The following ACSS3 variants were observed in gnomAD, a reference collection of about 807,000 sequenced individuals.
ACSS3 encodes acyl-CoA synthetase short-chain family member 3, mitochondrial.
Under a neutral mutation model 84.2 loss-of-function variants are expected in ACSS3, and 64 were observed. That is an observed-to-expected ratio of 0.76 (90% CI 0.62 to 0.94). The LOEUF is 0.94. Among genes scored for constraint, ACSS3 ranks in the 40% least tolerant of loss-of-function variants. The pLI is 0.00. For synonymous variants in ACSS3, 317 were observed against 310.1 expected, an observed-to-expected ratio of 1.02 and a Z score of -0.23; for missense variants, 815 against 867.6, an observed-to-expected ratio of 0.94 and a Z score of 0.76.
intron 2 of ACSS3, among the ~76,000 whole-genome samples, chr12:81,115,599 C>A (rs1270907290): frequency 6.6e-6 from 1 of 152,060 alleles, no homozygotes. Flanking sequence ...CCACACCTGA[C>A]CAAATGCTGA....
At position 81,244,592 on chromosome 12, in the gene ACSS3, G is replaced by T. The variant is rs547546842; in HGVS notation, c.1720-8715G>T. Among the ~76,000 whole-genome samples the T allele has an allele frequency of 2.6e-5, 4 of 151,924 alleles. No homozygotes were observed. The South Asian group carries it at 8.3e-4, about 32-fold the overall frequency. ...TTTTTTCTCTTTGATTTTTGGTTTT[G>T]GAGGTTTCTATTGATACATCCTCAA... On this transcript the variant is annotated intron_variant, in intron 13 of 15. Transcript: ENST00000548058.
intron 7 of ACSS3, among the ~76,000 whole-genome samples, chr12:81,168,470 A>G (rs1644321886): frequency 1.3e-5 from 2 of 152,142 alleles, no homozygotes; most frequent in African/African-American, 2.4e-5. Flanking sequence ...CGAGTCAGGA[A>G]CTCCGTATCT....
intron 8 of ACSS3, among the ~76,000 whole-genome samples, chr12:81,179,271 C>CAAAAAAAAAAAAAAAAAAAAAAAAAAAA (rs71098127): frequency 3.0e-5 from 2 of 66,802 alleles, no homozygotes; most frequent in Non-Finnish European, 5.4e-5. Context: ...AAGTAATTGC[C>CAAAAAAAAAAAAAAAAAAAAAAAAAAAA]AAAAAAAAAA....
chr12:81,177,563 A>T (rs1313660903), intron 8 of ACSS3, among the ~76,000 whole-genome samples: 1 of 152,176 alleles, frequency 6.6e-6, no homozygotes, highest in African/African-American at 2.4e-5. Flanking sequence ...CAACCTACTC[A>T]TCTGACAAAG....
At chr12:81,152,133 T>C in intron 7 of ACSS3, 37 bp downstream of exon 7, 1 of 1,540,246 alleles carries the variant, frequency 6.5e-7, no homozygotes, top group Non-Finnish European at 8.9e-7. Flanking sequence ...ATAAATGATA[T>C]TTATTTTATT....
chr12:81,092,430 G>A (rs1262072015), intron 1 of ACSS3, among the ~76,000 whole-genome samples: 5 of 152,034 alleles, frequency 3.3e-5, no homozygotes, highest in Non-Finnish European at 7.4e-5. Flanking sequence ...GAAAATAAGA[G>A]TAACAAAATC....
chr12:81,202,141 T>C (rs908635231), intron 9 of ACSS3, among the ~76,000 whole-genome samples: 1 of 151,872 alleles, frequency 6.6e-6, no homozygotes, highest in Non-Finnish European at 1.5e-5. Flanking sequence ...TAGCCGGGTG[T>C]GGTAGTGGGT....
intron 2 of ACSS3, among the ~76,000 whole-genome samples, chr12:81,133,226 C>A (rs1353221375): frequency 6.6e-5 from 10 of 151,902 alleles, no homozygotes; most frequent in Non-Finnish European, 1.5e-4. Flanking sequence ...GGCCAGGATT[C>A]AGAATTCTTT....
chr12:81,214,882 C>T (rs908107008), intron 9 of ACSS3, among the ~76,000 whole-genome samples: 1 of 152,186 alleles, frequency 6.6e-6, no homozygotes, highest in Admixed American at 6.5e-5. Flanking sequence ...CTAGCAGCTT[C>T]CTTGCACCAG....
chr12:81,088,255 A>G (rs907204486), intron 1 of ACSS3, among the ~76,000 whole-genome samples: 2 of 152,076 alleles, frequency 1.3e-5, no homozygotes, highest in Non-Finnish European at 2.9e-5. Flanking sequence ...GTCTACCTGA[A>G]CCCACAATGG....
chr12:81,242,623 A>G (rs2033846446), intron 13 of ACSS3, among the ~76,000 whole-genome samples: 1 of 147,272 alleles, frequency 6.8e-6, no homozygotes, highest in African/African-American at 2.5e-5. Flanking sequence ...AATACTGGCA[A>G]ACTGAATCCA....
At chr12:81,097,758 A>G (rs1001688109) in intron 1 of ACSS3, among the ~76,000 whole-genome samples, 2 of 152,180 alleles carry the variant, frequency 1.3e-5, no homozygotes, top group African/African-American at 4.8e-5. Flanking sequence ...GAAGGCATGA[A>G]CATTCTCACA....
chr12:81,083,252 G>A (rs1881098689), intron 1 of ACSS3, among the ~76,000 whole-genome samples: 1 of 152,168 alleles, frequency 6.6e-6, no homozygotes, highest in Non-Finnish European at 1.5e-5. Context: ...CTGAAAGCCT[G>A]CAGGTAGGCT....
intron 2 of ACSS3, among the ~76,000 whole-genome samples, chr12:81,117,024 T>C (rs57018719): frequency 0.097 from 14,817 of 152,178 alleles, 928 homozygotes; most frequent in East Asian, 0.21. Context: ...ATCTGGTCCA[T>C]GGCTTTTATT....
chr12:81,154,935 G>A (rs1317498973), intron 7 of ACSS3, among the ~76,000 whole-genome samples: 1 of 151,998 alleles, frequency 6.6e-6, no homozygotes, highest in Non-Finnish European at 1.5e-5. Context: ...TGTAGACTCT[G>A]CTTAGATGTT....
chr12:81,257,364 C>CTAT lies in ACSS3; in HGVS notation c.*2444_*2446dup, dbSNP rs1476109668. The CTAT allele has an allele frequency of 2.0e-5, 3 of 152,088 alleles. No individual in the cohort carries two copies. Among genetic ancestry groups the CTAT allele is most frequent in the African/African-American group, 7.2e-5 (3 of 41,428 alleles). 9.4% of individuals were successfully genotyped at this position (152,088 alleles called of 1,614,324 possible). A position where few individuals can be genotyped will look rare whatever the true frequency, so the allele number is the denominator to read the frequency against. On this transcript the variant is annotated 3_prime_UTR_variant, in exon 16 of 16. Coordinates refer to ENST00000548058, the MANE Select transcript of ACSS3 (RefSeq NM_024560.4). ...GCTTAAAATTTGGGAGGAAAAAATTCTATTTTACTACTAACCATAAATCAC... is the reference window on the plus strand; with the variant it reads ...GCTTAAAATTTGGGAGGAAAAAATTCTATTATTTTACTACTAACCATAAATCAC...
chr12:81,149,277 G>C (rs191064694), intron 5 of ACSS3, among the ~76,000 whole-genome samples: 25 of 152,124 alleles, frequency 1.6e-4, no homozygotes, highest in African/African-American at 6.0e-4. Flanking sequence ...TTGTTTTCTG[G>C]AGCATAATTT....
chr12:81,089,597 CAG>C (rs1194301137), intron 1 of ACSS3, among the ~76,000 whole-genome samples: 3 of 151,602 alleles, frequency 2.0e-5, no homozygotes, highest in African/African-American at 7.3e-5. Context: ...AATATATGTG[CAG>C]AGTCTGTAAT....
chr12:81,212,830 A>C (rs540036237), intron 9 of ACSS3, among the ~76,000 whole-genome samples: 1 of 152,300 alleles, frequency 6.6e-6, no homozygotes, highest in African/African-American at 2.4e-5. Context: ...GATACCATGA[A>C]GTTTGTCCTT....
Sources: allele counts gnomAD v4.1 joint callset (sites outside exome capture counted in the v4.1 genomes callset), GRCh38; gene constraint gnomAD v4.1.1; transcripts MANE v1.5; gene names NCBI Gene and HGNC (gene_info 2026-07-23, HGNC 2026-07-21).